TP63: variants seen among roughly 807,000 people sequenced by gnomAD.
TP63 encodes tumor protein p63.
Under a neutral mutation model 82.8 loss-of-function variants are expected in TP63, and 17 were observed. The observed-to-expected ratio is 0.21, with a 90% confidence interval of 0.14 to 0.31. TP63 has a LOEUF of 0.31. Ranked by LOEUF, TP63 falls within the 10% of genes least tolerant of loss-of-function variation. TP63 has a pLI of 1.00. For missense variants in TP63, 648 were observed against 895.3 expected, an observed-to-expected ratio of 0.72 and a Z score of 3.52; for synonymous variants, 330 against 321.7, an observed-to-expected ratio of 1.03 and a Z score of -0.28.
chr3:189,888,617 C>A (rs991231742), intron 11 of TP63, among the ~76,000 whole-genome samples: 2 of 152,070 alleles, frequency 1.3e-5, no homozygotes, highest in Non-Finnish European at 2.9e-5. Flanking sequence ...TTATTTTGTT[C>A]TTTTTGACAT....
intron 1 of TP63, among the ~76,000 whole-genome samples, chr3:189,731,781 T>C (rs1341840705): frequency 6.6e-6 from 1 of 152,216 alleles, no homozygotes; most frequent in East Asian, 1.9e-4. Context: ...TCTTTAGGTG[T>C]GACTGACTTG....
At chr3:189,872,701 C>T (rs1360842643) in intron 9 of TP63, among the ~76,000 whole-genome samples, 158 bp from the exon 10 acceptor site, 3 of 152,112 alleles carry the variant, frequency 2.0e-5, no homozygotes, top group Non-Finnish European at 4.4e-5. Context: ...TCTGAAAGAC[C>T]ACAAAAGGGC....
rs1330248860 is a variant in TP63, at chr3:189,808,192, T to C, written c.325-80T>C. On this transcript the variant is annotated intron_variant, in intron 3 of 13. Coordinates refer to ENST00000264731, the MANE Select transcript of TP63 (RefSeq NM_003722.5). Reference sequence around the variant, plus strand: ...GTGAGGTCCATCTCTGTAGAATGCATTCACCCATGGATGCCTTTTTTTGGA... The same window carrying C: ...GTGAGGTCCATCTCTGTAGAATGCACTCACCCATGGATGCCTTTTTTTGGA... 3.1e-6 allele frequency: 5 copies of C among 1,612,724 alleles called. No homozygotes were observed. The Admixed American group carries it at 8.3e-5, about 27-fold the overall frequency.
chr3:189,624,397 A>G, the TP63 span, among the ~76,000 whole-genome samples: 7 of 152,272 alleles, frequency 4.6e-5, no homozygotes. Context: ...TTTAGAACAA[A>G]GTGATTTTAT....
intron 11 of TP63, among the ~76,000 whole-genome samples, chr3:189,887,254 C>T (rs2108856328): frequency 6.6e-6 from 1 of 151,666 alleles, no homozygotes. Flanking sequence ...CGTCTGGACT[C>T]TATGAAAAAA....
At chr3:189,748,629 G>T (rs1721566439) in intron 3 of TP63, among the ~76,000 whole-genome samples, 1 of 148,378 alleles carries the variant, frequency 6.7e-6, no homozygotes, top group Non-Finnish European at 1.5e-5. Context: ...GCAATCTATA[G>T]ATTCAAAGCA....
intron 3 of TP63, among the ~76,000 whole-genome samples, chr3:189,767,175 A>C (rs539215812): frequency 6.6e-6 from 1 of 152,302 alleles, no homozygotes; most frequent in South Asian, 2.1e-4. Context: ...ATATACTTCA[A>C]AATTTATCTT....
At chr3:189,820,364 T>G (rs1186939370) in intron 4 of TP63, among the ~76,000 whole-genome samples, 2 of 152,208 alleles carry the variant, frequency 1.3e-5, no homozygotes, top group Admixed American at 1.3e-4. Context: ...TCAGAACTGA[T>G]TTCTTACCTA....
intron 3 of TP63, among the ~76,000 whole-genome samples, chr3:189,754,723 T>C (rs995567133): frequency 6.6e-6 from 1 of 152,288 alleles, no homozygotes; most frequent in Middle Eastern, 3.4e-3. Flanking sequence ...GACACCAATA[T>C]CAAGCTCACT....
rs1478422100 is a variant in TP63, at chr3:189,887,878, CAG to C, written c.1507+1330_1507+1331del. On this transcript the variant is annotated intron_variant, in intron 11 of 13. Transcript: ENST00000264731. ...TTGGTTTTTTTTTTTTTTTTTTAGA[CAG>C]AGTTTCGCTCTTGTTGCCCAGGCTG... Among the ~76,000 whole-genome samples, 3 of 131,288 alleles carry C rather than the reference CAG, an allele frequency of 2.3e-5. No homozygotes were observed. In the East Asian group the frequency reaches 7.2e-4, roughly 32 times the overall value. The allele number at this position is 131,288 out of a possible 152,430, so 86.1% of individuals were successfully genotyped here.
chr3:189,760,980 C>G (rs1439403754), intron 3 of TP63, among the ~76,000 whole-genome samples: 2 of 152,188 alleles, frequency 1.3e-5, no homozygotes, highest in Non-Finnish European at 2.9e-5. Flanking sequence ...TTGCCCCTCT[C>G]AGCCACAGGT....
intron 1 of TP63, among the ~76,000 whole-genome samples, chr3:189,714,465 T>C (rs986507626): frequency 8.5e-5 from 13 of 152,162 alleles, no homozygotes; most frequent in African/African-American, 3.1e-4. Flanking sequence ...ACAAATCTTG[T>C]TTTGACAGAG....
intron 3 of TP63, among the ~76,000 whole-genome samples, chr3:189,743,873 G>A (rs1283625191): frequency 6.6e-6 from 1 of 152,160 alleles, no homozygotes; most frequent in Non-Finnish European, 1.5e-5. Context: ...TACCACCACA[G>A]ACTCCTATTG....
chr3:189,637,326 G>C (rs535360293), intron 1 of TP63, among the ~76,000 whole-genome samples: 27 of 152,180 alleles, frequency 1.8e-4, no homozygotes, highest in African/African-American at 6.3e-4. Flanking sequence ...GTATTGTTCA[G>C]TTCTACTATT....
At chr3:189,879,225 T>G (rs1466314422) in intron 10 of TP63, among the ~76,000 whole-genome samples, 1 of 152,190 alleles carries the variant, frequency 6.6e-6, no homozygotes, top group Non-Finnish European at 1.5e-5. Flanking sequence ...AAAAATGACT[T>G]TGTTCCTTTG....
rs111634194 is a variant in TP63 at position 189,825,558 on chromosome 3, A to G, written c.579+17032A>G. On this transcript the variant is annotated intron_variant, in intron 4 of 13. Transcript: ENST00000264731. ...CAGAGGTATTGCTCAAAACTTGATT[A>G]AAAATAAAATAACAGAATTGGGGAT... 4.6e-5 allele frequency among the ~76,000 whole-genome samples: 7 copies of G among 152,330 alleles called. 1 individual carries two copies. The highest frequency in any genetic ancestry group is 1.7e-4 in the African/African-American group (7 of 41,574).
At chr3:189,648,845 G>A (rs1006307702) in intron 1 of TP63, among the ~76,000 whole-genome samples, 2 of 116,450 alleles carry the variant, frequency 1.7e-5, no homozygotes, top group Non-Finnish European at 3.6e-5. Flanking sequence ...TTGAGCCATA[G>A]AACTATTATT....
At chr3:189,604,226 G>A in the TP63 span, among the ~76,000 whole-genome samples, 2,040 of 152,178 alleles carry the variant, frequency 0.013, 24 homozygotes, top group East Asian at 0.044. Context: ...TGGTTTTAAC[G>A]TCCTCATCAG....
At chr3:189,823,664 G>C (rs1420981596) in intron 4 of TP63, among the ~76,000 whole-genome samples, 1 of 152,138 alleles carries the variant, frequency 6.6e-6, no homozygotes, top group African/African-American at 2.4e-5. Context: ...CTAAAGGCTT[G>C]GCTGCCATTC....
Sources: gnomAD v4.1 joint callset for allele counts (sites outside exome capture counted in the v4.1 genomes callset) on GRCh38, gnomAD v4.1.1 for gene constraint, MANE v1.5 for transcripts, NCBI Gene and HGNC (gene_info 2026-07-23, HGNC 2026-07-21) for gene names.